HMGA2: variants seen among roughly 807,000 people sequenced by gnomAD.
HMGA2 encodes the protein high mobility group protein HMGI-C.
HMGA2 carries 8 observed loss-of-function variants against 19.1 expected under a neutral mutation model. The observed-to-expected ratio is 0.42, with a 90% CI of 0.25 to 0.76. HMGA2 has a LOEUF of 0.76. HMGA2 is among the 30% of genes least tolerant of loss of function. The probability of loss-of-function intolerance (pLI) is 0.28; values close to 1 mark genes in which losing one functional copy is unlikely to be tolerated. For synonymous variants in HMGA2, 60 were observed against 48.8 expected (o/e 1.23, Z -0.96); for missense variants, 109 against 136.3 (o/e 0.80, Z 1.00).
intron 3 of HMGA2, among the ~76,000 whole-genome samples, chr12:65,910,124 G>A (rs1190554724): frequency 6.6e-6 from 1 of 152,252 alleles, no homozygotes; most frequent in South Asian, 2.1e-4. Context: ...CAATGAAGAC[G>A]AGGCTCCTGT....
intron 3 of HMGA2, among the ~76,000 whole-genome samples, chr12:65,924,595 C>T (rs1316931103): frequency 1.3e-5 from 2 of 152,074 alleles, no homozygotes; most frequent in African/African-American, 2.4e-5. Flanking sequence ...GTCAAGAGAT[C>T]GAGACCATCC....
At position 65,922,074 on chromosome 12, in the gene HMGA2, G is replaced by A. The variant is rs558394807; in HGVS notation, c.250-29309G>A. 6.9e-4 allele frequency among the ~76,000 whole-genome samples: 105 copies of A among 152,338 alleles called. 1 individual carries two copies. The highest frequency in any genetic ancestry group is 3.1e-3 in the South Asian group (15 of 4,826). ...AGTTTGCTGCAGGGGAATGGCTCTC[G>A]TGAAGAACCTCTGGTAGGGCCATGG... On this transcript the variant is annotated intron_variant, in intron 3 of 4. Coordinates refer to ENST00000403681, the MANE Select transcript of HMGA2 (RefSeq NM_003483.6).
In HMGA2 at chr12:65,944,957, G is replaced by A. The variant is rs571188192; in HGVS notation, c.250-6426G>A. 1.1e-4 allele frequency among the ~76,000 whole-genome samples: 16 copies of A among 152,138 alleles called. No homozygotes were observed. The South Asian group carries it at 3.1e-3, about 30-fold the overall frequency. ...TGCGATCATAGCACACTGCAGCCTCGAACTTCTGGACTCGAGTCCTCTTGC... is the reference window on the plus strand; with the variant it reads ...TGCGATCATAGCACACTGCAGCCTCAAACTTCTGGACTCGAGTCCTCTTGC... On this transcript the variant is annotated intron_variant, in intron 3 of 4. Coordinates refer to ENST00000403681, the MANE Select transcript of HMGA2 (RefSeq NM_003483.6).
chr12:65,890,387 A>G (rs958972486), intron 3 of HMGA2, among the ~76,000 whole-genome samples: 3 of 152,198 alleles, frequency 2.0e-5, no homozygotes, highest in African/African-American at 7.2e-5. Flanking sequence ...GTTAGCTTTT[A>G]GTTTTTTCAA....
At position 65,965,129 on chromosome 12, in the gene HMGA2, T is replaced by C. The variant is rs1876871766; in HGVS notation, c.*1837T>C. 1.0e-5 allele frequency: 2 copies of C among 195,328 alleles called. No homozygotes were observed. Among genetic ancestry groups the C allele is most frequent in the Non-Finnish European group, 2.1e-5 (2 of 93,656 alleles). 12.1% of individuals were successfully genotyped at this position (195,328 alleles called of 1,614,324 possible). On this transcript the variant is annotated 3_prime_UTR_variant, in exon 5 of 5. Coordinates refer to ENST00000403681, the MANE Select transcript of HMGA2 (RefSeq NM_003483.6). ...ATACTTTTGCAAAATAAGTAAATAA[T>C]AAATAAAATAAAAGCCAACCTTCAA...
rs188648596 is a variant in HMGA2, at chr12:65,966,099, C to A, written c.*2807C>A. The A allele has an allele frequency of 7.5e-5, 16 of 214,370 alleles. No homozygotes were observed. The East Asian group carries it at 1.1e-3, about 15-fold the overall frequency. 13.3% of individuals were successfully genotyped at this position (214,370 alleles called of 1,614,324 possible). On this transcript the variant is annotated 3_prime_UTR_variant, in exon 5 of 5. Coordinates refer to ENST00000403681, the MANE Select transcript of HMGA2 (RefSeq NM_003483.6). ...CCTTTGAGTGTCTTCTAACTTTATT[C>A]TTTGTTCTTTATGTAGAATTGCTGT...
chr12:65,857,009 A>G (rs562952863), intron 3 of HMGA2: 1 of 152,350 alleles, frequency 6.6e-6, no homozygotes, highest in African/African-American at 2.4e-5. Flanking sequence ...AGGGGACACA[A>G]TTCAACCCAT....
rs1376251369 is a variant in HMGA2, at chr12:65,909,067, AT to A, written c.250-42309del. Among the ~76,000 whole-genome samples the A allele has an allele frequency of 5.9e-5, 9 of 152,252 alleles. No individual in the cohort carries two copies. In the East Asian group the frequency reaches 1.3e-3, roughly 23 times the overall value. ...TTCTTACTTTCTAACTGTTGATCTA[AT>A]TTTTTTAAAGTAAATAGATTACCTT... On this transcript the variant is annotated intron_variant, in intron 3 of 4. Transcript: ENST00000403681.
chr12:65,825,028 C>CGGCA lies in HMGA2; in HGVS notation c.-241_-238dup, dbSNP rs1406261144. 4.6e-6 allele frequency: 2 copies of CGGCA among 431,806 alleles called. No individual in the cohort carries two copies. Among genetic ancestry groups the CGGCA allele is most frequent in the African/African-American group, 4.1e-5 (2 of 48,368 alleles). The allele number at this position is 431,806 out of a possible 1,614,324, so 26.7% of individuals were successfully genotyped here. A position where few individuals can be genotyped will look rare whatever the true frequency, so the allele number is the denominator to read the frequency against. On this transcript the variant is annotated 5_prime_UTR_variant, in exon 1 of 5. Coordinates refer to ENST00000403681, the MANE Select transcript of HMGA2 (RefSeq NM_003483.6). The surrounding 1 kb of genome is among the most constrained non-coding windows in gnomAD (Gnocchi z 4.4). ...ACCCACCCACCGCCGCCGCCGCCAC[C>CGGCA]GGCAGCGCCTCCTCCTCTCCTCCTC...
chr12:65,825,465 G>A lies in HMGA2; in HGVS notation c.111+84G>A, dbSNP rs1443099945. 4 of 963,424 alleles carry A rather than the reference G, an allele frequency of 4.2e-6. No homozygotes were observed. The highest frequency in any genetic ancestry group is 3.4e-5 in the East Asian group (1 of 29,800). The allele number at this position is 963,424 out of a possible 1,614,324, so 59.7% of individuals were successfully genotyped here. A position where few individuals can be genotyped will look rare whatever the true frequency, so the allele number is the denominator to read the frequency against. ...GACACGCGCGGGGCGGCCGGAGTGC[G>A]GGAGCCCAGTCGCCGCGGCCGTCGC... On this transcript the variant is annotated intron_variant, in intron 1 of 4. Transcript: ENST00000403681. This position sits in a 1 kb window ranked among gnomAD's most constrained non-coding sequence, Gnocchi z 4.4.
Position 65,825,180 on chromosome 12 carries a change from C to T in HMGA2, c.-91C>T. 8.5e-7 allele frequency: 1 copy of T among 1,179,894 alleles called. No homozygotes were observed. Among genetic ancestry groups the T allele is most frequent in the South Asian group, 1.4e-5 (1 of 72,446 alleles). The allele number at this position is 1,179,894 out of a possible 1,614,324, so 73.1% of individuals were successfully genotyped here. On this transcript the variant is annotated 5_prime_UTR_variant, in exon 1 of 5. Transcript: ENST00000403681. This position sits in a 1 kb window ranked among gnomAD's most constrained non-coding sequence, Gnocchi z 4.4. ...CGCTCGCCCCGCCGGCGTCCCCAGC[C>T]CTATCACCTCATCTCCCGAAAGGTG...
At chr12:65,872,972 C>T (rs1473098898) in intron 3 of HMGA2, among the ~76,000 whole-genome samples, 1 of 152,176 alleles carries the variant, frequency 6.6e-6, no homozygotes, top group African/African-American at 2.4e-5. Flanking sequence ...AGGTCTTTCA[C>T]ATCTGTGCTC....
chr12:65,833,233 T>A (rs978589755), intron 2 of HMGA2, among the ~76,000 whole-genome samples: 1 of 152,082 alleles, frequency 6.6e-6, no homozygotes, highest in Non-Finnish European at 1.5e-5. Context: ...CAGTACTTAG[T>A]GGGATTGATT....
At chr12:65,950,077 A>G (rs1592464460) in intron 3 of HMGA2, among the ~76,000 whole-genome samples, 2 of 152,328 alleles carry the variant, frequency 1.3e-5, no homozygotes, top group East Asian at 3.9e-4. Context: ...ATACGGAGCA[A>G]TTGGAACTCC....
At chr12:65,907,823 A>G (rs943181746) in intron 3 of HMGA2, among the ~76,000 whole-genome samples, 1 of 152,136 alleles carries the variant, frequency 6.6e-6, no homozygotes, top group Admixed American at 6.5e-5. Context: ...CTGGATAGTA[A>G]TGATGTAATT....
chr12:65,962,359 A>C (rs1222393598), intron 4 of HMGA2, among the ~76,000 whole-genome samples: 1 of 152,236 alleles, frequency 6.6e-6, no homozygotes, highest in East Asian at 1.9e-4. Context: ...GCCATAAGGA[A>C]TCAGAAAAAG....
At chr12:65,924,732 C>T (rs554943127) in intron 3 of HMGA2, among the ~76,000 whole-genome samples, 2 of 152,086 alleles carry the variant, frequency 1.3e-5, no homozygotes, top group South Asian at 2.1e-4. Context: ...CAGGAGGCAC[C>T]GGTTGCAGTG....
At chr12:65,909,802 C>T (rs886942749) in intron 3 of HMGA2, among the ~76,000 whole-genome samples, 2 of 152,130 alleles carry the variant, frequency 1.3e-5, no homozygotes, top group Non-Finnish European at 2.9e-5. Context: ...TTATACCCTG[C>T]TTAGAGGACC....
chr12:65,880,947 A>G (rs1292307901), intron 3 of HMGA2, among the ~76,000 whole-genome samples: 1 of 152,228 alleles, frequency 6.6e-6, no homozygotes, highest in East Asian at 1.9e-4. Context: ...TATCCCATAA[A>G]ACCACTCGTA....
Sources: allele counts gnomAD v4.1 joint callset (sites outside exome capture counted in the v4.1 genomes callset), GRCh38; gene constraint gnomAD v4.1.1; non-coding constraint Gnocchi (gnomAD v3.1); transcripts MANE v1.5; gene names NCBI Gene and HGNC (gene_info 2026-07-23, HGNC 2026-07-21).